Variants in ADGRG5 observed in about 807,000 individuals in gnomAD.
ADGRG5 encodes G protein-coupled receptor 114.
A neutral mutation model predicts 53.2 loss-of-function variants in ADGRG5; 37 were observed. That is an observed-to-expected ratio of 0.70 (90% CI 0.53 to 0.91). The LOEUF (loss-of-function observed/expected upper bound fraction) is 0.91. Among genes scored for constraint, ADGRG5 ranks in the 40% least tolerant of loss-of-function variants. The probability of loss-of-function intolerance (pLI) is 0.00; values close to 1 mark genes in which losing one functional copy is unlikely to be tolerated. For synonymous variants in ADGRG5, 277 were observed against 290.4 expected, an observed-to-expected ratio of 0.95 and a Z score of 0.47; for missense variants, 614 against 675.8, an observed-to-expected ratio of 0.91 and a Z score of 1.01.
chr16:57,544,196 C>G (rs1304839001), intron 1 of ADGRG5, among the ~76,000 whole-genome samples: 1 of 152,156 alleles, frequency 6.6e-6, no homozygotes, highest in Non-Finnish European at 1.5e-5. Context: ...TGCCCACTGG[C>G]CTGCTGTAGA....
intron 1 of ADGRG5, among the ~76,000 whole-genome samples, chr16:57,545,692 A>G (rs910416369): frequency 7.9e-5 from 12 of 152,226 alleles, no homozygotes; most frequent in Admixed American, 7.2e-4. Context: ...TGCATATTCT[A>G]ATGTTGTAGG....
At chr16:57,557,714 A>C (rs1366985883) in intron 1 of ADGRG5, among the ~76,000 whole-genome samples, 3 of 152,206 alleles carry the variant, frequency 2.0e-5, no homozygotes, top group Non-Finnish European at 2.9e-5. Flanking sequence ...CACTATCATC[A>C]AGTTCAAGGA....
At chr16:57,553,490 C>A (rs1201282848) in intron 1 of ADGRG5, among the ~76,000 whole-genome samples, 2 of 152,170 alleles carry the variant, frequency 1.3e-5, no homozygotes, top group Non-Finnish European at 2.9e-5. Flanking sequence ...CGACAAAAAT[C>A]AATATATGAA....
chr16:57,563,895 C>T lies in ADGRG5; in HGVS notation c.345C>T (p.Ala115=), dbSNP rs772039795. The part of the protein sequence containing the change: ...ARGQHAMQFP[A]ELTRDACKTR... The stretch of plus-strand genomic sequence containing the variant: ...GTCAGCACGCCATGCAGTTCCCCGC[C>T]GAGCTGACCCGGGACGCCTGCAAGA... Residue 115 remains alanine (A), a synonymous_variant, in exon 5 of 12, where the codon GCC becomes GCT. Transcript: ENST00000349457. 1.6e-5 allele frequency: 26 copies of T among 1,613,936 alleles called. No individual in the cohort carries two copies. The highest frequency in any genetic ancestry group is 1.0e-4 in the Admixed American group (6 of 59,998).
In ADGRG5 at chr16:57,575,577, C is replaced by T. The variant is rs574579192; in HGVS notation, c.*39C>T. 4.0e-6 allele frequency: 6 copies of T among 1,516,728 alleles called. No homozygotes were observed. Among genetic ancestry groups the T allele is most frequent in the South Asian group, 3.4e-5 (3 of 89,004 alleles). 94.0% of individuals were successfully genotyped at this position (1,516,728 alleles called of 1,614,324 possible). On this transcript the variant is annotated 3_prime_UTR_variant, in exon 12 of 12. Coordinates refer to ENST00000349457, the MANE Select transcript of ADGRG5 (RefSeq NM_001304376.3). Reference sequence around the variant, plus strand: ...GCCTGGAATCCTCAGCCTCTCTGGCCGCCAGTAGCCTGAGGCTACGGCTCC... The same window carrying T: ...GCCTGGAATCCTCAGCCTCTCTGGCTGCCAGTAGCCTGAGGCTACGGCTCC...
chr16:57,556,678 T>C (rs1036891167), intron 1 of ADGRG5, among the ~76,000 whole-genome samples: 1 of 152,224 alleles, frequency 6.6e-6, no homozygotes, highest in African/African-American at 2.4e-5. Context: ...AATGCATTGT[T>C]ACTGTTTTTA....
intron 1 of ADGRG5, among the ~76,000 whole-genome samples, chr16:57,552,377 C>T (rs1381667624): frequency 6.6e-6 from 1 of 152,196 alleles, no homozygotes; most frequent in African/African-American, 2.4e-5. Flanking sequence ...TTTAATGTGG[C>T]CACCCTCATG....
chr16:57,546,164 C>A (rs1189564241), intron 1 of ADGRG5, among the ~76,000 whole-genome samples: 1 of 152,130 alleles, frequency 6.6e-6, no homozygotes, highest in Non-Finnish European at 1.5e-5. Flanking sequence ...CATTCTGTCA[C>A]ACAAGCTGGA....
At chr16:57,564,967 AGCTCAGACCTTACCCAGG>A in intron 5 of ADGRG5, 49 bp from the exon 6 acceptor site, 1 of 854,716 alleles carries the variant, frequency 1.2e-6, no homozygotes, top group East Asian at 2.5e-5. Flanking sequence ...AGGGAAGCGG[AGCTCAGACCTTACCCAGG>A]GCCTCCCCAT....
At chr16:57,564,503 C>T (rs553355429) in intron 5 of ADGRG5, among the ~76,000 whole-genome samples, 9 of 152,234 alleles carry the variant, frequency 5.9e-5, no homozygotes, top group African/African-American at 2.2e-4. Flanking sequence ...GGTTTAACCA[C>T]GTTGGCCAGG....
chr16:57,563,367 G>T (rs1367758206), intron 4 of ADGRG5, 120 bp downstream of exon 4: 1 of 861,080 alleles, frequency 1.2e-6, no homozygotes, highest in Non-Finnish European at 1.9e-6. Context: ...CACAGTCCAG[G>T]CTCTGCCCTA....
intron 1 of ADGRG5, among the ~76,000 whole-genome samples, chr16:57,544,779 G>T (rs905566100): frequency 7.3e-5 from 11 of 151,236 alleles, no homozygotes; most frequent in South Asian, 6.2e-4. Flanking sequence ...CTGTTTTTTT[G>T]TTTGTTTGTT....
At chr16:57,537,113 C>T in the ADGRG5 span, among the ~76,000 whole-genome samples, 1 of 152,200 alleles carries the variant, frequency 6.6e-6, no homozygotes, top group Admixed American at 6.5e-5. Context: ...GAGCACTCGG[C>T]CCGGCGGGCG....
rs117491890 is a variant in ADGRG5, at chr16:57,558,505, G to A, written c.-38-3551G>A. Among the ~76,000 whole-genome samples, 134 of 152,364 alleles carry A rather than the reference G, an allele frequency of 8.8e-4. No individual in the cohort carries two copies. In the East Asian group the frequency reaches 0.023, roughly 26 times the overall value. ...GCTATTACTTGTTGCTTGGTGCAAG[G>A]CTTGTGGTGGAGGCAGTGAATTCTT... On this transcript the variant is annotated intron_variant, in intron 1 of 11. Coordinates refer to ENST00000349457, the MANE Select transcript of ADGRG5 (RefSeq NM_001304376.3).
At chr16:57,549,225 G>A (rs1226127348) in intron 1 of ADGRG5, among the ~76,000 whole-genome samples, 2 of 152,146 alleles carry the variant, frequency 1.3e-5, no homozygotes, top group Admixed American at 6.5e-5. Context: ...CGTAAAGTTC[G>A]AATGTGTTGC....
At chr16:57,546,718 G>A (rs1450052081) in intron 1 of ADGRG5, among the ~76,000 whole-genome samples, 3 of 152,080 alleles carry the variant, frequency 2.0e-5, no homozygotes, top group Admixed American at 2.0e-4. Flanking sequence ...TTCTTATTTG[G>A]TTTCTGTTTT....
chr16:57,550,301 A>G (rs1446161343), intron 1 of ADGRG5, among the ~76,000 whole-genome samples: 1 of 152,188 alleles, frequency 6.6e-6, no homozygotes, highest in Non-Finnish European at 1.5e-5. Context: ...CTTCATTGGT[A>G]TAGTGATTGT....
At chr16:57,568,321 G>A (rs1035044457) in intron 9 of ADGRG5, among the ~76,000 whole-genome samples, 197 bp downstream of exon 9, 13 of 149,962 alleles carry the variant, frequency 8.7e-5, no homozygotes, top group African/African-American at 2.5e-4. Context: ...CATCATCATC[G>A]TCACCTCCTC....
intron 1 of ADGRG5, among the ~76,000 whole-genome samples, chr16:57,560,855 A>G (rs2032983725): frequency 1.3e-5 from 2 of 151,786 alleles, no homozygotes; most frequent in South Asian, 4.2e-4. Context: ...TATGATTTTG[A>G]CTCACTGCAG....
Sources: gnomAD v4.1 joint callset for allele counts (sites outside exome capture counted in the v4.1 genomes callset) on GRCh38, gnomAD v4.1.1 for gene constraint, MANE v1.5 for transcripts, NCBI Gene and HGNC (gene_info 2026-07-23, HGNC 2026-07-21) for gene names.